The following PLD1 variants were observed in gnomAD, a reference collection of about 807,000 sequenced individuals.
PLD1 encodes the protein choline phosphatase 1.
PLD1 carries 112 observed loss-of-function variants against 137.1 expected under a neutral mutation model. The ratio of observed to expected loss-of-function variants is 0.82; its 90% confidence interval spans 0.70 to 0.96. The LOEUF (loss-of-function observed/expected upper bound fraction) is 0.96, where lower values mean the gene tolerates loss of function less well. Ranked by LOEUF, PLD1 falls within the 40% of genes least tolerant of loss-of-function variation. PLD1 has a pLI of 0.00. For missense variants in PLD1, 1,321 were observed against 1,342.0 expected, an observed-to-expected ratio of 0.98 and a Z score of 0.24; for synonymous variants, 431 against 454.7, an observed-to-expected ratio of 0.95 and a Z score of 0.66.
chr3:171,635,962 C>CTTTTTTTTTTTTTTT (rs1481093699), intron 23 of PLD1, among the ~76,000 whole-genome samples: 2 of 37,104 alleles, frequency 5.4e-5, no homozygotes, highest in Admixed American at 3.1e-4. Context: ...AGGGGTTCAA[C>CTTTTTTTTTTTTTTT]TTCTTTTTTT....
intron 16 of PLD1, among the ~76,000 whole-genome samples, chr3:171,682,457 T>C (rs1013808375): frequency 1.2e-4 from 19 of 152,236 alleles, no homozygotes; most frequent in African/African-American, 4.6e-4. Flanking sequence ...CAAGTGAAAT[T>C]GATATTGCAG....
At chr3:171,725,001 C>T (rs1718399867) in intron 7 of PLD1, among the ~76,000 whole-genome samples, 2 of 152,148 alleles carry the variant, frequency 1.3e-5, no homozygotes, top group South Asian at 4.1e-4. Flanking sequence ...ATAGCCCCTT[C>T]AGCATTCGGG....
chr3:171,702,252 A>G (rs767462243), intron 11 of PLD1, among the ~76,000 whole-genome samples: 1 of 152,156 alleles, frequency 6.6e-6, no homozygotes, highest in Non-Finnish European at 1.5e-5. Flanking sequence ...TTGGGAGGCT[A>G]AAATGGGAGG....
intron 24 of PLD1, among the ~76,000 whole-genome samples, chr3:171,616,539 C>G (rs990651964): frequency 6.6e-6 from 1 of 152,070 alleles, no homozygotes; most frequent in Admixed American, 6.6e-5. Flanking sequence ...CAGGTGGACC[C>G]AATACAATCA....
At chr3:171,737,735 A>G in intron 2 of PLD1, 76 bp from the exon 3 acceptor site, 1 of 1,295,980 alleles carries the variant, frequency 7.7e-7, no homozygotes, top group Non-Finnish European at 1.1e-6. Context: ...TCTTTTAAGA[A>G]TCACGTGTTA....
intron 3 of PLD1, among the ~76,000 whole-genome samples, chr3:171,736,485 A>G (rs1719370051): frequency 6.6e-6 from 1 of 152,156 alleles, no homozygotes. Context: ...TCTTAGAGAC[A>G]TTTCTGAGGG....
intron 11 of PLD1, among the ~76,000 whole-genome samples, chr3:171,704,516 T>C (rs967192090): frequency 7.1e-6 from 1 of 140,264 alleles, no homozygotes; most frequent in African/African-American, 2.7e-5. Context: ...CAGATGTCAA[T>C]ACCAAGACGA....
intron 21 of PLD1, among the ~76,000 whole-genome samples, chr3:171,652,340 G>A (rs1436445537): frequency 1.3e-5 from 2 of 151,264 alleles, no homozygotes; most frequent in Non-Finnish European, 2.9e-5. Context: ...GTGAACCCAG[G>A]AGGTGGAGTT....
chr3:171,747,127 C>G (rs1720280283), intron 1 of PLD1, among the ~76,000 whole-genome samples: 1 of 152,160 alleles, frequency 6.6e-6, no homozygotes, highest in Non-Finnish European at 1.5e-5. Context: ...CACGAACCCA[C>G]CAGAAGGAAG....
At chr3:171,799,325 C>T (rs900530622) in intron 1 of PLD1, among the ~76,000 whole-genome samples, 1 of 106,090 alleles carries the variant, frequency 9.4e-6, no homozygotes, top group Admixed American at 1.5e-4. Context: ...GGCAACAGAA[C>T]GAGACTCCGT....
intron 1 of PLD1, among the ~76,000 whole-genome samples, chr3:171,747,459 T>C (rs1720316316): frequency 2.0e-5 from 3 of 149,686 alleles, no homozygotes; most frequent in African/African-American, 7.5e-5. Context: ...CTGCCTCTCT[T>C]CTCTTCCTCT....
chr3:171,713,772 G>A (rs1717449131), intron 9 of PLD1, 121 bp downstream of exon 9: 1 of 794,640 alleles, frequency 1.3e-6, no homozygotes, highest in Non-Finnish European at 2.1e-6. Flanking sequence ...TATTGATTGA[G>A]GATGAGCTCT....
At chr3:171,623,932 G>C (rs1298053416) in intron 23 of PLD1, among the ~76,000 whole-genome samples, 1 of 144,638 alleles carries the variant, frequency 6.9e-6, no homozygotes, top group African/African-American at 2.6e-5. Context: ...ACAAGTGTTA[G>C]AAGAAAGCAA....
chr3:171,746,978 C>A lies in PLD1; in HGVS notation c.-31-8896G>T, dbSNP rs114565016. 6.8e-3 allele frequency among the ~76,000 whole-genome samples: 1,040 copies of A among 152,288 alleles called. 7 individuals are homozygous for A. Among genetic ancestry groups the A allele is most frequent in the Middle Eastern group, 0.037 (11 of 294 alleles). On this transcript the variant is annotated intron_variant, in intron 1 of 26. Coordinates refer to ENST00000351298, the MANE Select transcript of PLD1 (RefSeq NM_002662.5). ...CTTTTATTAGCTGTAACACTCATGG[C>A]AAAGGTCTGCAGTTTTACTTCTCAG...
In PLD1 at chr3:171,770,255, G is replaced by C. The variant is rs550394516; in HGVS notation, c.-31-32173C>G. ...GAAGAATCACTTGAGAATAAAAACA[G>C]CAAAACTGAAGACAAAATTCAATTG... On this transcript the variant is annotated intron_variant, in intron 1 of 26. Transcript: ENST00000351298. Among the ~76,000 whole-genome samples, 3 of 152,250 alleles carry C rather than the reference G, an allele frequency of 2.0e-5. No individual in the cohort carries two copies. In the South Asian group the frequency reaches 6.2e-4, roughly 32 times the overall value.
intron 1 of PLD1, among the ~76,000 whole-genome samples, chr3:171,785,559 C>A (rs1460327533): frequency 6.6e-6 from 1 of 152,058 alleles, no homozygotes; most frequent in Non-Finnish European, 1.5e-5. Context: ...CTCCCTCAGC[C>A]TCCCGAGTAG....
intron 1 of PLD1, among the ~76,000 whole-genome samples, chr3:171,738,304 A>G (rs946957111): frequency 5.4e-5 from 8 of 149,470 alleles, no homozygotes; most frequent in East Asian, 2.0e-4. Flanking sequence ...AAAACAAGAG[A>G]AAAAAAAAAG....
intron 24 of PLD1, among the ~76,000 whole-genome samples, chr3:171,614,361 A>G (rs1732919660): frequency 6.6e-6 from 1 of 152,222 alleles, no homozygotes; most frequent in Non-Finnish European, 1.5e-5. Context: ...TTGCCCCAAC[A>G]TTAATTTGGG....
intron 13 of PLD1, 43 bp downstream of exon 13, chr3:171,692,289 A>C (rs371992469): frequency 2.0e-4 from 190 of 933,256 alleles, no homozygotes; most frequent in Non-Finnish European, 5.3e-5. Flanking sequence ...AAAATCCTAT[A>C]GAATAATAAA....
Sources: gnomAD v4.1 joint callset for allele counts (sites outside exome capture counted in the v4.1 genomes callset) on GRCh38, gnomAD v4.1.1 for gene constraint, MANE v1.5 for transcripts, NCBI Gene and HGNC (gene_info 2026-07-23, HGNC 2026-07-21) for gene names.